The following RASAL1 variants were observed in gnomAD, a reference collection of about 807,000 sequenced individuals.
RASAL1 encodes the protein rasGAP-activating-like protein 1.
RASAL1 carries 72 observed loss-of-function variants against 96.6 expected under a neutral mutation model. That is an observed-to-expected ratio of 0.75 (90% CI 0.62 to 0.91). The LOEUF (loss-of-function observed/expected upper bound fraction) is 0.91. Ranked by LOEUF, RASAL1 falls within the 40% of genes least tolerant of loss-of-function variation. RASAL1 has a pLI of 0.00. For synonymous variants in RASAL1, 405 were observed against 430.4 expected (o/e 0.94, Z 0.73); for missense variants, 1,016 against 1,072.5 (o/e 0.95, Z 0.74).
chr12:113,128,972 G>GAC (rs35122341), intron 2 of RASAL1, among the ~76,000 whole-genome samples: 15,110 of 142,756 alleles, frequency 0.11, 725 homozygotes, highest in Middle Eastern at 0.14. Flanking sequence ...CACAGTCACT[G>GAC]ACACACACAC....
rs1306630055 is a variant in RASAL1, at chr12:113,127,814, C to T, written c.296G>A (p.Arg99Gln). The T allele has an allele frequency of 6.2e-6, 10 of 1,611,370 alleles. No homozygotes were observed. Among genetic ancestry groups the T allele is most frequent in the African/African-American group, 1.3e-5 (1 of 75,028 alleles). Residue 99 changes from arginine (R) to glutamine (Q), a missense_variant and splice_region_variant, in exon 4 of 21, where the codon CGA becomes CAA. By Grantham distance (43) the Arg-to-Gln change is conservative (BLOSUM62 1). Transcript: ENST00000548055. ...LSREAITADP[R>Q]GIDSWINLSR... is the part of the protein sequence containing the mutation. ...CTCTGCCCATGTCCCTCGCCCACCT[C>T]GGGGGTCGGCTGTAATCGCCTCCCT...
chr12:113,126,508 C>A (rs1476650150), intron 4 of RASAL1, among the ~76,000 whole-genome samples: 3 of 151,946 alleles, frequency 2.0e-5, no homozygotes, highest in Non-Finnish European at 4.4e-5. Flanking sequence ...ATGGTGAAAC[C>A]CTTCCTCTAC....
Position 113,115,014 on chromosome 12 carries a change from A to T in RASAL1, c.1069-102T>A. 4 of 1,136,528 alleles carry T rather than the reference A, an allele frequency of 3.5e-6. No individual in the cohort carries two copies. Among genetic ancestry groups the T allele is most frequent in the African/African-American group, 1.5e-5 (1 of 65,478 alleles). 70.4% of individuals were successfully genotyped at this position (1,136,528 alleles called of 1,614,324 possible). On this transcript the variant is annotated intron_variant, in intron 11 of 20. Transcript: ENST00000548055. This position sits in a 1 kb window ranked among gnomAD's most constrained non-coding sequence, Gnocchi z 4.1. ...ACCATGCAGGAAGAGGTTCAGAGAG[A>T]GGCCAGGGCTGGGGTAGGGGACACA... is the stretch of plus-strand genomic sequence containing the variant.
At chr12:113,116,940 A>G (rs2136189842) in intron 8 of RASAL1, 133 bp downstream of exon 8, 1 of 658,600 alleles carries the variant, frequency 1.5e-6, no homozygotes, top group Middle Eastern at 4.2e-4. Context: ...CATTCCATAG[A>G]CAGTTGTTAA....
In RASAL1 at chr12:113,115,158, C is replaced by G; in HGVS notation, c.1068+42G>C. 1 of 1,566,096 alleles carries G rather than the reference C, an allele frequency of 6.4e-7. No individual in the cohort carries two copies. On this transcript the variant is annotated intron_variant, in intron 11 of 20. Transcript: ENST00000548055. This position sits in a 1 kb window ranked among gnomAD's most constrained non-coding sequence, Gnocchi z 4.1. ...AGGTAGGCACTGGGAAGGAGGTACC[C>G]GAGGAAGCTGCGCCTGGTCCCGCAG...
At chr12:113,125,151 T>C (rs769814997) in intron 4 of RASAL1, among the ~76,000 whole-genome samples, 3 of 151,970 alleles carry the variant, frequency 2.0e-5, no homozygotes, top group Non-Finnish European at 4.4e-5. Flanking sequence ...GTGTATGTAA[T>C]ACATTAATGT....
In RASAL1 at chr12:113,129,311, C is replaced by G. The variant is rs141559105; in HGVS notation, c.123-1133G>C. 6.6e-6 allele frequency among the ~76,000 whole-genome samples: 1 copy of G among 152,270 alleles called. No homozygotes were observed. The highest frequency in any genetic ancestry group is 1.9e-4 in the East Asian group (1 of 5,190). On this transcript the variant is annotated intron_variant, in intron 2 of 20. Coordinates refer to ENST00000548055, the MANE Select transcript of RASAL1 (RefSeq NM_001301202.2). This position sits in a 1 kb window ranked among gnomAD's most constrained non-coding sequence, Gnocchi z 5.0. ...GACAATGAGGACAAGGACAAGTATT[C>G]CAGAAGGCTGGAACAGCATGGGCAA... is the stretch of plus-strand genomic sequence containing the variant.
Position 113,115,200 on chromosome 12 carries a change from C to T in RASAL1, c.1068G>A (p.Lys356=), listed in dbSNP as rs1253454662. ...GTCCCGCAGGCCTTCACCTACTCAC[C>T]TTCATAAACTGTTCCATCGACTTGG... ...LASKSMEQFM[K]LVGMPYLHEV... The change falls in exon 11 of 21, where the codon AAG becomes AAA. Residue 356 remains lysine, a splice_region_variant and synonymous_variant. Coordinates refer to ENST00000548055, the MANE Select transcript of RASAL1 (RefSeq NM_001301202.2). This position sits in a 1 kb window ranked among gnomAD's most constrained non-coding sequence, Gnocchi z 4.1. The T allele has an allele frequency of 1.2e-6, 2 of 1,613,042 alleles. No individual in the cohort carries two copies. Among genetic ancestry groups the T allele is most frequent in the Admixed American group, 1.7e-5 (1 of 60,032 alleles).
chr12:113,128,277 C>A, intron 2 of RASAL1, 99 bp from the exon 3 acceptor site: 2 of 699,508 alleles, frequency 2.9e-6, no homozygotes, highest in Non-Finnish European at 4.9e-6. Context: ...CACACACACA[C>A]ACACGGGAAT....
chr12:113,127,741 T>C (rs1004652280), intron 4 of RASAL1, 71 bp downstream of exon 4: 14 of 1,312,192 alleles, frequency 1.1e-5, no homozygotes, highest in Admixed American at 4.0e-5. Context: ...CACCGTGCCA[T>C]GTGCTATGCC....
In RASAL1 at chr12:113,130,989, A is replaced by G. The variant is rs1465252379; in HGVS notation, c.66-48T>C. ...GAGGAAGCAGGTTGAGAGGGCAGCC[A>G]TGAGTGGAGGGTCCCAGTCATGACA... On this transcript the variant is annotated intron_variant, in intron 1 of 20. Transcript: ENST00000548055. This position sits in a 1 kb window ranked among gnomAD's most constrained non-coding sequence, Gnocchi z 5.1. The G allele has an allele frequency of 6.8e-7, 1 of 1,475,452 alleles. No homozygotes were observed. Among genetic ancestry groups the G allele is most frequent in the Admixed American group, 1.7e-5 (1 of 58,960 alleles). The allele number at this position is 1,475,452 out of a possible 1,614,324, so 91.4% of individuals were successfully genotyped here.
chr12:113,121,168 T>G (rs1951280674), intron 5 of RASAL1, among the ~76,000 whole-genome samples: 1 of 152,218 alleles, frequency 6.6e-6, no homozygotes, highest in African/African-American at 2.4e-5. Flanking sequence ...TGAAGCTACA[T>G]GTCAGTCATA....
chr12:113,129,002 C>CAA lies in RASAL1; in HGVS notation c.123-826_123-825dup, dbSNP rs1254741333. ...ACACACACACACACACACACACACACAATTCCATTCATTCATTTGTTCATT... is the reference window on the plus strand; with the variant it reads ...ACACACACACACACACACACACACACAAAATTCCATTCATTCATTTGTTCATT... On this transcript the variant is annotated intron_variant, in intron 2 of 20. Coordinates refer to ENST00000548055, the MANE Select transcript of RASAL1 (RefSeq NM_001301202.2). This position sits in a 1 kb window ranked among gnomAD's most constrained non-coding sequence, Gnocchi z 5.0. 2.6e-5 allele frequency among the ~76,000 whole-genome samples: 4 copies of CAA among 151,738 alleles called. No homozygotes were observed. The highest frequency in any genetic ancestry group is 5.9e-5 in the Non-Finnish European group (4 of 67,956).
chr12:113,135,669 C>T lies in RASAL1; in HGVS notation c.-207G>A. ...GGAGGGAGCGCCCGTCCGGACTCTA[C>T]AGGTAGGAGCCGTGCTCCGAGCAGG... On this transcript the variant is annotated 5_prime_UTR_variant, in exon 1 of 21. Transcript: ENST00000548055. This position sits in a 1 kb window ranked among gnomAD's most constrained non-coding sequence, Gnocchi z 5.7. 1.9e-6 allele frequency: 1 copy of T among 532,010 alleles called. No homozygotes were observed. The highest frequency in any genetic ancestry group is 3.4e-6 in the Non-Finnish European group (1 of 295,266). 33.0% of individuals were successfully genotyped at this position (532,010 alleles called of 1,614,324 possible).
chr12:113,116,046 T>A lies in RASAL1; in HGVS notation c.737A>T (p.Asn246Ile), dbSNP rs777101668. 3 of 1,584,942 alleles carry A rather than the reference T, an allele frequency of 1.9e-6. No homozygotes were observed. The highest frequency in any genetic ancestry group is 2.6e-6 in the Non-Finnish European group (3 of 1,165,198). ...TACCTTCACTCGCAGGGCACCCAGG[T>A]TCCCCCTGTCCAGGATCAGATCATA... ...FPRAEEDSGG[N>I]LGALRVKVRL... Residue 246 changes from asparagine (N) to isoleucine (I), a missense_variant, in exon 9 of 21, where the codon AAC becomes ATC. Asn to Ile is a moderately radical substitution (Grantham distance 149, BLOSUM62 -3). Coordinates refer to ENST00000548055, the MANE Select transcript of RASAL1 (RefSeq NM_001301202.2).
At chr12:113,126,277 T>C (rs1951477182) in intron 4 of RASAL1, among the ~76,000 whole-genome samples, 1 of 151,806 alleles carries the variant, frequency 6.6e-6, no homozygotes, top group African/African-American at 2.4e-5. Context: ...AGAGCAAGAC[T>C]CCGTCTCAAA....
At chr12:113,112,407 TC>T in intron 12 of RASAL1, 129 bp from the exon 13 acceptor site, 1 of 633,670 alleles carries the variant, frequency 1.6e-6, no homozygotes, top group Non-Finnish European at 2.3e-6. Flanking sequence ...TCCTGCCCCT[TC>T]CCACCGGGTT....
Position 113,115,131 on chromosome 12 carries a change from C to T in RASAL1, c.1068+69G>A. 2.0e-6 allele frequency: 3 copies of T among 1,470,056 alleles called. No individual in the cohort carries two copies. Among genetic ancestry groups the T allele is most frequent in the Non-Finnish European group, 2.9e-6 (3 of 1,050,950 alleles). The allele number at this position is 1,470,056 out of a possible 1,614,324, so 91.1% of individuals were successfully genotyped here. On this transcript the variant is annotated intron_variant, in intron 11 of 20. Coordinates refer to ENST00000548055, the MANE Select transcript of RASAL1 (RefSeq NM_001301202.2). This position sits in a 1 kb window ranked among gnomAD's most constrained non-coding sequence, Gnocchi z 4.1. ...GTCTGAAGCCAGCTAAGTGAGGGAGCCAGGTAGGCACTGGGAAGGAGGTAC... is the reference window on the plus strand; with the variant it reads ...GTCTGAAGCCAGCTAAGTGAGGGAGTCAGGTAGGCACTGGGAAGGAGGTAC...
At chr12:113,112,344 G>A (rs1466480208) in intron 12 of RASAL1, 66 bp from the exon 13 acceptor site, 11 of 1,196,670 alleles carry the variant, frequency 9.2e-6, no homozygotes, top group Admixed American at 4.2e-5. Context: ...ACCCTCCACC[G>A]GCCCCGCTGA....
Sources: allele counts gnomAD v4.1 joint callset (sites outside exome capture counted in the v4.1 genomes callset), GRCh38; gene constraint gnomAD v4.1.1; non-coding constraint Gnocchi (gnomAD v3.1); transcripts MANE v1.5; gene names NCBI Gene and HGNC (gene_info 2026-07-23, HGNC 2026-07-21).